PCYT1A: variants seen among roughly 807,000 people sequenced by gnomAD.
The protein encoded by PCYT1A is phosphate cytidylyltransferase 1A, choline.
Under a neutral mutation model 43.7 loss-of-function variants are expected in PCYT1A, and 25 were observed. The ratio of observed to expected loss-of-function variants is 0.57; its 90% CI spans 0.42 to 0.80. PCYT1A has a LOEUF of 0.80. PCYT1A is among the 30% of genes least tolerant of loss of function. The pLI is 0.00. For missense variants in PCYT1A, 421 were observed against 474.2 expected, an observed-to-expected ratio of 0.89 and a Z score of 1.04; for synonymous variants, 172 against 170.7, an observed-to-expected ratio of 1.01 and a Z score of -0.06.
At chr3:196,244,297 C>T (rs1037491660) in intron 5 of PCYT1A, among the ~76,000 whole-genome samples, 5 of 149,020 alleles carry the variant, frequency 3.4e-5, no homozygotes, top group African/African-American at 5.0e-5. Flanking sequence ...CCCCTCTGCC[C>T]GGCTGCCCAG....
rs1034685556 is a variant in PCYT1A, at chr3:196,252,747, G to A, written c.218-4424C>T. The stretch of plus-strand genomic sequence containing the variant: ...TTTTCTCATCTATGAGAGAAAGCAG[G>A]CTGGGTACAGTAGCTCACACCTGTA... On this transcript the variant is annotated intron_variant, in intron 3 of 8. Transcript: ENST00000431016. The surrounding 1 kb of genome is among the most constrained non-coding windows in gnomAD (Gnocchi z 4.0). 2.6e-5 allele frequency among the ~76,000 whole-genome samples: 4 copies of A among 152,038 alleles called. No homozygotes were observed. The highest frequency in any genetic ancestry group is 9.7e-5 in the African/African-American group (4 of 41,402).
chr3:196,267,856 G>T lies in PCYT1A; in HGVS notation c.117+2559C>A, dbSNP rs574024601. The stretch of plus-strand genomic sequence containing the variant: ...ATAAAGCTGTTAAAAAAAGAAAAAA[G>T]TCTTGCTTGCTTTTGTTATAGAGTT... On this transcript the variant is annotated intron_variant, in intron 2 of 8. Coordinates refer to ENST00000431016, the MANE Select transcript of PCYT1A (RefSeq NM_001312673.2). Among the ~76,000 whole-genome samples, 3 of 152,248 alleles carry T rather than the reference G, an allele frequency of 2.0e-5. No individual in the cohort carries two copies. The South Asian group carries it at 6.2e-4, about 32-fold the overall frequency.
chr3:196,279,793 C>A (rs917379307), intron 1 of PCYT1A, among the ~76,000 whole-genome samples: 2 of 143,626 alleles, frequency 1.4e-5, no homozygotes, highest in African/African-American at 5.1e-5. Flanking sequence ...TAGGCTCCTA[C>A]AAGTAGTTTT....
At chr3:196,241,681 T>G in intron 7 of PCYT1A, 1 of 1,409,936 alleles carries the variant, frequency 7.1e-7, no homozygotes. Context: ...CCGTTTTCCA[T>G]TTATTGACAG....
At chr3:196,246,309 A>G (rs1270388756) in intron 5 of PCYT1A, among the ~76,000 whole-genome samples, 1 of 152,122 alleles carries the variant, frequency 6.6e-6, no homozygotes, top group Admixed American at 6.5e-5. Context: ...AACTGACAAC[A>G]TGCTTGCTAT....
In PCYT1A at chr3:196,238,565, C is replaced by T; in HGVS notation, c.*123G>A. On this transcript the variant is annotated 3_prime_UTR_variant, in exon 9 of 9. Transcript: ENST00000431016. ...TTCCCCCAGTCCTAGGTCTTCTTTC[C>T]CCAGTTGTCTTTCCTTTGTAGCTGT... The T allele has an allele frequency of 1.5e-6, 1 of 668,758 alleles. No homozygotes were observed. The highest frequency in any genetic ancestry group is 2.4e-6 in the Non-Finnish European group (1 of 412,180). 41.4% of individuals were successfully genotyped at this position (668,758 alleles called of 1,614,324 possible). A position where few individuals can be genotyped will look rare whatever the true frequency, so the allele number is the denominator to read the frequency against.
At chr3:196,241,751 G>T in intron 7 of PCYT1A, 197 bp downstream of exon 7, 2 of 1,244,320 alleles carry the variant, frequency 1.6e-6, no homozygotes, top group South Asian at 1.3e-5. Flanking sequence ...TTATACGAAT[G>T]TGTTGGTACC....
At chr3:196,256,214 C>T (rs912526299) in intron 3 of PCYT1A, among the ~76,000 whole-genome samples, 2 of 152,150 alleles carry the variant, frequency 1.3e-5, no homozygotes, top group African/African-American at 4.8e-5. Context: ...CGGCATTGGC[C>T]GGCGCGGTGG....
rs545101190 is a variant in PCYT1A, at chr3:196,259,718, G to T, written c.118-1831C>A. On this transcript the variant is annotated intron_variant, in intron 2 of 8. Transcript: ENST00000431016. The stretch of plus-strand genomic sequence containing the variant: ...ACATTAGCTGGGCGTGGTGACACAT[G>T]CCTGTAGTCCCAGTTACTTGGGAAG... Among the ~76,000 whole-genome samples, 3 of 151,452 alleles carry T rather than the reference G, an allele frequency of 2.0e-5. No individual in the cohort carries two copies. The South Asian group carries it at 6.3e-4, about 32-fold the overall frequency.
In PCYT1A at chr3:196,273,658, A is replaced by G. The variant is rs1342378635; in HGVS notation, c.-10-3117T>C. 6.6e-6 allele frequency among the ~76,000 whole-genome samples: 1 copy of G among 152,128 alleles called. No individual in the cohort carries two copies. The highest frequency in any genetic ancestry group is 1.9e-4 in the East Asian group (1 of 5,192). On this transcript the variant is annotated intron_variant, in intron 1 of 8. Coordinates refer to ENST00000431016, the MANE Select transcript of PCYT1A (RefSeq NM_001312673.2). The surrounding 1 kb of genome is among the most constrained non-coding windows in gnomAD (Gnocchi z 4.1). ...AGTGGAGAGGAGACCTGGAGTGGGAAGCTCCTATCCGCAGGCAGGTCATCC... is the reference window on the plus strand; with the variant it reads ...AGTGGAGAGGAGACCTGGAGTGGGAGGCTCCTATCCGCAGGCAGGTCATCC...
intron 3 of PCYT1A, 51 bp downstream of exon 3, chr3:196,257,737 G>T: frequency 8.7e-7 from 1 of 1,147,888 alleles, no homozygotes; most frequent in Non-Finnish European, 1.3e-6. Flanking sequence ...TAAAGACAAT[G>T]GAATGCTAAA....
rs887291304 is a variant in PCYT1A, at chr3:196,277,613, G to A, written c.-10-7072C>T. ...GGGCTGGGCGCGGTGGCTCATGCCT[G>A]TAATCCCAGCACTTTGGGAGACCAA... is the stretch of plus-strand genomic sequence containing the variant. On this transcript the variant is annotated intron_variant, in intron 1 of 8. Coordinates refer to ENST00000431016, the MANE Select transcript of PCYT1A (RefSeq NM_001312673.2). The surrounding 1 kb of genome is among the most constrained non-coding windows in gnomAD (Gnocchi z 4.1). 6.6e-6 allele frequency among the ~76,000 whole-genome samples: 1 copy of A among 152,240 alleles called. No individual in the cohort carries two copies. Among genetic ancestry groups the A allele is most frequent in the Non-Finnish European group, 1.5e-5 (1 of 68,034 alleles).
In PCYT1A at chr3:196,277,838, G is replaced by A. The variant is rs775552965; in HGVS notation, c.-10-7297C>T. Among the ~76,000 whole-genome samples the A allele has an allele frequency of 9.2e-5, 14 of 152,086 alleles. No homozygotes were observed. Among genetic ancestry groups the A allele is most frequent in the South Asian group, 2.1e-4 (1 of 4,822 alleles). On this transcript the variant is annotated intron_variant, in intron 1 of 8. Transcript: ENST00000431016. This position sits in a 1 kb window ranked among gnomAD's most constrained non-coding sequence, Gnocchi z 4.1. ...GTGAGCCTAAATCGCACGCCACTGCGCTCCAGCCTGGGCGACAGAGCGAGA... is the reference window on the plus strand; with the variant it reads ...GTGAGCCTAAATCGCACGCCACTGCACTCCAGCCTGGGCGACAGAGCGAGA...
At position 196,268,818 on chromosome 3, in the gene PCYT1A, A is replaced by C. The variant is rs1426373337; in HGVS notation, c.117+1597T>G. Among the ~76,000 whole-genome samples, 1 of 152,128 alleles carries C rather than the reference A, an allele frequency of 6.6e-6. No homozygotes were observed. The highest frequency in any genetic ancestry group is 2.4e-5 in the African/African-American group (1 of 41,426). The stretch of plus-strand genomic sequence containing the variant: ...TCAAAAATACAAATAAAAATAAATA[A>C]AAATAAAAATAGTAAAGAGGCTTTG... On this transcript the variant is annotated intron_variant, in intron 2 of 8. Transcript: ENST00000431016. The surrounding 1 kb of genome is among the most constrained non-coding windows in gnomAD (Gnocchi z 4.4).
intron 2 of PCYT1A, among the ~76,000 whole-genome samples, chr3:196,258,495 C>T (rs557359895): frequency 6.6e-6 from 1 of 151,846 alleles, no homozygotes; most frequent in African/African-American, 2.4e-5. Context: ...ATTATCAGTT[C>T]TAGTATCCGT....
At chr3:196,285,045 T>C (rs1725868935) in intron 1 of PCYT1A, among the ~76,000 whole-genome samples, 6 of 152,214 alleles carry the variant, frequency 3.9e-5, no homozygotes, top group Admixed American at 3.9e-4. Flanking sequence ...TCTATTCCCC[T>C]ATTACAGAGT....
chr3:196,244,464 T>C (rs1296142242), intron 5 of PCYT1A, among the ~76,000 whole-genome samples: 3 of 150,936 alleles, frequency 2.0e-5, no homozygotes, highest in African/African-American at 7.3e-5. Flanking sequence ...CGCGACCCGG[T>C]CTGGGAAGTG....
At position 196,260,637 on chromosome 3, in the gene PCYT1A, T is replaced by G. The variant is rs542592975; in HGVS notation, c.118-2750A>C. ...GCGGGTAGACCACCTAGGTCGGGAGTTCGAGACCAGCCTGGCCAGCATGGT... is the reference window on the plus strand; with the variant it reads ...GCGGGTAGACCACCTAGGTCGGGAGGTCGAGACCAGCCTGGCCAGCATGGT... On this transcript the variant is annotated intron_variant, in intron 2 of 8. Transcript: ENST00000431016. Among the ~76,000 whole-genome samples, 3 of 152,070 alleles carry G rather than the reference T, an allele frequency of 2.0e-5. 1 individual carries two copies. The highest frequency in any genetic ancestry group is 2.0e-4 in the Admixed American group (3 of 15,276).
chr3:196,253,113 G>A, intron 3 of PCYT1A, among the ~76,000 whole-genome samples: 1 of 152,058 alleles, frequency 6.6e-6, no homozygotes, highest in East Asian at 1.9e-4. Flanking sequence ...CAAGGCAGGT[G>A]GATCACCTGA....
Sources: gnomAD v4.1 joint callset for allele counts (sites outside exome capture counted in the v4.1 genomes callset) on GRCh38, gnomAD v4.1.1 for gene constraint, Gnocchi (gnomAD v3.1) non-coding constraint, MANE v1.5 for transcripts, NCBI Gene and HGNC (gene_info 2026-07-23, HGNC 2026-07-21) for gene names.